Variants in MIPEP observed in about 807,000 individuals in gnomAD.
MIPEP encodes the protein mitochondrial intermediate peptidase.
A neutral mutation model predicts 90.3 loss-of-function variants in MIPEP; 79 were observed. The observed-to-expected ratio is 0.87, with a 90% confidence interval of 0.73 to 1.05. The LOEUF (loss-of-function observed/expected upper bound fraction) is 1.05, where lower values mean the gene tolerates loss of function less well. MIPEP is among the 50% of genes least tolerant of loss of function. The pLI, the probability that MIPEP is intolerant of heterozygous loss-of-function variation, is 0.00. For synonymous variants in MIPEP, 334 were observed against 315.8 expected, an observed-to-expected ratio of 1.06 and a Z score of -0.61; for missense variants, 940 against 905.6, an observed-to-expected ratio of 1.04 and a Z score of -0.49.
At chr13:23,880,947 G>A (rs371971214) in intron 3 of MIPEP, among the ~76,000 whole-genome samples, 1 of 152,104 alleles carries the variant, frequency 6.6e-6, no homozygotes, top group Non-Finnish European at 1.5e-5. Flanking sequence ...GCGAGCCCAG[G>A]GCTCTCCCTA....
At chr13:23,878,890 T>C (rs1456798111) in intron 4 of MIPEP, among the ~76,000 whole-genome samples, 1 of 152,314 alleles carries the variant, frequency 6.6e-6, no homozygotes, top group African/African-American at 2.4e-5. Flanking sequence ...ACTCATTAGT[T>C]GAGCACTGAC....
intron 14 of MIPEP, among the ~76,000 whole-genome samples, chr13:23,833,948 C>G (rs931003748): frequency 6.6e-6 from 1 of 152,156 alleles, no homozygotes. Flanking sequence ...CCCACGTCTC[C>G]CACACTAAGT....
At chr13:23,810,038 C>T (rs968034490) in intron 14 of MIPEP, 114 bp from the exon 15 acceptor site, 4 of 555,230 alleles carry the variant, frequency 7.2e-6, no homozygotes, top group East Asian at 6.2e-5. Context: ...AATAGAATTT[C>T]ATTATAGTTT....
chr13:23,865,230 TTTAG>T (rs1375022234), intron 7 of MIPEP, among the ~76,000 whole-genome samples: 1 of 152,228 alleles, frequency 6.6e-6, no homozygotes, highest in African/African-American at 2.4e-5. Context: ...TCATATGTAT[TTTAG>T]TTCACCACAA....
At chr13:23,755,209 T>C (rs1952479238) in intron 18 of MIPEP, among the ~76,000 whole-genome samples, 2 of 152,254 alleles carry the variant, frequency 1.3e-5, no homozygotes, top group Non-Finnish European at 2.9e-5. Context: ...ACAAAGCTGA[T>C]GGAATGAATG....
intron 16 of MIPEP, among the ~76,000 whole-genome samples, chr13:23,786,852 C>T (rs372005378): frequency 1.3e-5 from 2 of 152,306 alleles, no homozygotes; most frequent in South Asian, 2.1e-4. Flanking sequence ...TACACTGTTA[C>T]GGACTTATTT....
chr13:23,816,072 T>G (rs952784204), intron 14 of MIPEP, among the ~76,000 whole-genome samples: 2 of 152,248 alleles, frequency 1.3e-5, no homozygotes, highest in African/African-American at 4.8e-5. Context: ...CTGGTTGCCT[T>G]TAAGGTTTTC....
intron 14 of MIPEP, among the ~76,000 whole-genome samples, chr13:23,834,849 C>A (rs927353514): frequency 1.3e-5 from 2 of 151,664 alleles, no homozygotes; most frequent in African/African-American, 4.9e-5. Flanking sequence ...TATGCTATCA[C>A]GTGGTAGGGT....
At chr13:23,793,876 C>T (rs1043172332) in intron 16 of MIPEP, among the ~76,000 whole-genome samples, 4 of 151,900 alleles carry the variant, frequency 2.6e-5, no homozygotes, top group African/African-American at 9.7e-5. Context: ...CTGTGTCCTG[C>T]TGGAGGAAGC....
intron 12 of MIPEP, 74 bp downstream of exon 12, chr13:23,839,575 G>T: frequency 1.1e-6 from 1 of 919,790 alleles, no homozygotes. Context: ...TTTAAAAAAT[G>T]ATACAAAGTT....
intron 18 of MIPEP, 126 bp from the exon 19 acceptor site, chr13:23,730,571 C>T (rs1385696780): frequency 1.5e-6 from 1 of 646,936 alleles, no homozygotes; most frequent in Non-Finnish European, 2.8e-6. Context: ...GGCTGTATAA[C>T]CTGAATGCAA....
chr13:23,775,177 T>C (rs1005176046), intron 16 of MIPEP, among the ~76,000 whole-genome samples: 1 of 151,892 alleles, frequency 6.6e-6, no homozygotes. Context: ...ATTTTCTATA[T>C]ACAAGATCAT....
At chr13:23,771,717 T>G (rs1210064886) in intron 16 of MIPEP, among the ~76,000 whole-genome samples, 1 of 152,190 alleles carries the variant, frequency 6.6e-6, no homozygotes, top group Non-Finnish European at 1.5e-5. Flanking sequence ...CTGAAACCCG[T>G]GAAATGTGGT....
intron 5 of MIPEP, among the ~76,000 whole-genome samples, chr13:23,873,177 G>A (rs1188390600): frequency 6.6e-6 from 1 of 152,228 alleles, no homozygotes; most frequent in Non-Finnish European, 1.5e-5. Context: ...TTCAGCCAGG[G>A]AAACCTGGTG....
At chr13:23,752,357 G>C (rs181053554) in intron 18 of MIPEP, among the ~76,000 whole-genome samples, 2 of 152,152 alleles carry the variant, frequency 1.3e-5, no homozygotes, top group Non-Finnish European at 2.9e-5. Flanking sequence ...ATTTGCTGTA[G>C]TAAGAAACAA....
At chr13:23,806,680 A>G (rs1200485793) in intron 15 of MIPEP, among the ~76,000 whole-genome samples, 2 of 151,676 alleles carry the variant, frequency 1.3e-5, no homozygotes, top group Non-Finnish European at 2.9e-5. Flanking sequence ...AAAAAAAAAA[A>G]CCAAACAAAA....
intron 2 of MIPEP, among the ~76,000 whole-genome samples, 170 bp downstream of exon 2, chr13:23,886,163 C>T (rs1217521159): frequency 6.6e-6 from 1 of 152,046 alleles, no homozygotes; most frequent in Non-Finnish European, 1.5e-5. Context: ...AATATTTTCC[C>T]ATTCCTAATG....
chr13:23,881,260 T>C (rs924330218), intron 3 of MIPEP, among the ~76,000 whole-genome samples: 13 of 152,216 alleles, frequency 8.5e-5, no homozygotes, highest in Admixed American at 8.5e-4. Context: ...CAGCCATTGA[T>C]GCAACAGCAA....
At chr13:23,815,579 G>A (rs573717248) in intron 14 of MIPEP, among the ~76,000 whole-genome samples, 1 of 152,290 alleles carries the variant, frequency 6.6e-6, no homozygotes, top group Admixed American at 6.5e-5. Flanking sequence ...AAACTGCTGG[G>A]ATTACAGGCG....
Sources: gnomAD v4.1 joint callset for allele counts (sites outside exome capture counted in the v4.1 genomes callset) on GRCh38, gnomAD v4.1.1 for gene constraint, MANE v1.5 for transcripts, NCBI Gene and HGNC (gene_info 2026-07-23, HGNC 2026-07-21) for gene names.